The following SCHIP1 variants were observed in gnomAD, a reference collection of about 807,000 sequenced individuals.
SCHIP1 encodes schwannomin interacting protein 1, also known as schwannomin-interacting protein 1.
A neutral mutation model predicts 29.7 loss-of-function variants in SCHIP1; 8 were observed. That is an observed-to-expected ratio of 0.27 (90% CI 0.16 to 0.49). SCHIP1 has a LOEUF of 0.49. SCHIP1 is among the 20% of genes least tolerant of loss of function. The probability of loss-of-function intolerance (pLI) is 0.99; values close to 1 mark genes in which losing one functional copy is unlikely to be tolerated. For missense variants in SCHIP1, 193 were observed against 294.6 expected, an observed-to-expected ratio of 0.66 and a Z score of 2.52; for synonymous variants, 76 against 94.9, an observed-to-expected ratio of 0.80 and a Z score of 1.16.
chr3:159,751,514 T>G, the SCHIP1 span, among the ~76,000 whole-genome samples: 2 of 152,028 alleles, frequency 1.3e-5, no homozygotes, highest in Admixed American at 6.6e-5. Context: ...ACAGAATTTA[T>G]AGAAATTAAT....
At chr3:159,357,956 C>T in the SCHIP1 span, among the ~76,000 whole-genome samples, 5 of 152,178 alleles carry the variant, frequency 3.3e-5, no homozygotes, top group Non-Finnish European at 5.9e-5. Flanking sequence ...GCTGATTCTG[C>T]CCCCAAGGGG....
chr3:159,287,419 GT>G, the SCHIP1 span, among the ~76,000 whole-genome samples: 2 of 151,796 alleles, frequency 1.3e-5, no homozygotes, highest in Non-Finnish European at 2.9e-5. Context: ...GTATAAAACT[GT>G]TGACTCTTCA....
the SCHIP1 span, among the ~76,000 whole-genome samples, chr3:159,704,872 CTT>C: frequency 2.2e-5 from 1 of 46,094 alleles, no homozygotes; most frequent in Admixed American, 2.2e-4. Flanking sequence ...TTTTTTCTTT[CTT>C]TCTTTCTTTC....
At chr3:159,725,573 C>A in the SCHIP1 span, among the ~76,000 whole-genome samples, 10 of 152,294 alleles carry the variant, frequency 6.6e-5, no homozygotes, top group South Asian at 2.1e-3. Context: ...CCTCAATACA[C>A]TTTTAACTGC....
chr3:159,409,460 C>T, the SCHIP1 span, among the ~76,000 whole-genome samples: 1 of 151,908 alleles, frequency 6.6e-6, no homozygotes, highest in Non-Finnish European at 1.5e-5. Flanking sequence ...AATTAACATA[C>T]AAAAATAATA....
chr3:159,777,789 A>G, the SCHIP1 span, among the ~76,000 whole-genome samples: 1 of 152,274 alleles, frequency 6.6e-6, no homozygotes, highest in African/African-American at 2.4e-5. Context: ...TGAAACTTCA[A>G]TATTGCTCAG....
chr3:159,523,841 C>T, the SCHIP1 span, among the ~76,000 whole-genome samples: 1 of 152,204 alleles, frequency 6.6e-6, no homozygotes, highest in Non-Finnish European at 1.5e-5. Flanking sequence ...GTAACACACA[C>T]TCCAATTATT....
the SCHIP1 span, among the ~76,000 whole-genome samples, chr3:159,494,786 G>C: frequency 6.6e-6 from 1 of 152,042 alleles, no homozygotes; most frequent in Non-Finnish European, 1.5e-5. Flanking sequence ...GCAAAGCCTG[G>C]CAGAGACACA....
At chr3:159,594,363 G>A in the SCHIP1 span, among the ~76,000 whole-genome samples, 270 of 152,156 alleles carry the variant, frequency 1.8e-3, 1 homozygote, top group African/African-American at 6.0e-3. Flanking sequence ...AATTGCCTTC[G>A]GACACTGAGT....
the SCHIP1 span, among the ~76,000 whole-genome samples, chr3:159,284,112 A>G: frequency 6.6e-6 from 1 of 152,174 alleles, no homozygotes; most frequent in African/African-American, 2.4e-5. Context: ...TTCATATAGC[A>G]TGGTAATTAC....
At chr3:159,541,823 T>C in the SCHIP1 span, among the ~76,000 whole-genome samples, 1 of 152,132 alleles carries the variant, frequency 6.6e-6, no homozygotes. Context: ...TGTTCTCTTT[T>C]ACCTAAACTG....
the SCHIP1 span, among the ~76,000 whole-genome samples, chr3:159,310,841 G>T: frequency 6.6e-6 from 1 of 152,132 alleles, no homozygotes; most frequent in African/African-American, 2.4e-5. Flanking sequence ...AGGTTAGGGA[G>T]ATTTTGGTAA....
the SCHIP1 span, among the ~76,000 whole-genome samples, chr3:159,570,064 T>G: frequency 6.6e-6 from 1 of 152,220 alleles, no homozygotes; most frequent in Non-Finnish European, 1.5e-5. Flanking sequence ...GATGAGTAGA[T>G]TGCAAAAATT....
the SCHIP1 span, among the ~76,000 whole-genome samples, chr3:159,451,783 G>A: frequency 6.6e-6 from 1 of 152,106 alleles, no homozygotes; most frequent in African/African-American, 2.4e-5. Flanking sequence ...TTTATATAAA[G>A]CAGAATGTTC....
chr3:159,675,915 TGAGGTCGG>T, the SCHIP1 span, among the ~76,000 whole-genome samples: 184 of 152,286 alleles, frequency 1.2e-3, 3 homozygotes, highest in South Asian at 0.023. Context: ...GCGGATCACC[TGAGGTCGG>T]GAGTTCAAGA....
the SCHIP1 span, among the ~76,000 whole-genome samples, chr3:159,505,495 T>C: frequency 2.6e-5 from 4 of 152,216 alleles, no homozygotes; most frequent in African/African-American, 9.7e-5. Flanking sequence ...TATTATACTT[T>C]AAGTTCTAGG....
the SCHIP1 span, among the ~76,000 whole-genome samples, chr3:159,393,503 G>A: frequency 2.6e-4 from 39 of 151,960 alleles, no homozygotes; most frequent in South Asian, 5.0e-3. Flanking sequence ...AGGTGTAAGG[G>A]AGGGATCCAG....
intron 2 of SCHIP1, among the ~76,000 whole-genome samples, chr3:159,878,028 C>T (rs563360837): frequency 6.6e-6 from 1 of 152,292 alleles, no homozygotes; most frequent in Non-Finnish European, 1.5e-5. Flanking sequence ...CCACCACCTC[C>T]AGCACCCTGC....
At chr3:159,407,399 T>C in the SCHIP1 span, among the ~76,000 whole-genome samples, 1 of 152,126 alleles carries the variant, frequency 6.6e-6, no homozygotes, top group Admixed American at 6.6e-5. Context: ...CAAATGTTAT[T>C]AGAGGTAAAG....
Sources: gnomAD v4.1 joint callset for allele counts (sites outside exome capture counted in the v4.1 genomes callset) on GRCh38, gnomAD v4.1.1 for gene constraint, MANE v1.5 for transcripts, NCBI Gene and HGNC (gene_info 2026-07-23, HGNC 2026-07-21) for gene names.